EXOC3L2: variants seen among roughly 807,000 people sequenced by gnomAD.
EXOC3L2 encodes the protein exocyst complex component 3 like 2.
A neutral mutation model predicts 44.4 loss-of-function variants in EXOC3L2; 17 were observed. That is an observed-to-expected ratio of 0.38 (90% CI 0.26 to 0.57). The LOEUF is 0.57. EXOC3L2 is among the 20% of genes least tolerant of loss of function. The pLI, the probability that EXOC3L2 is intolerant of heterozygous loss-of-function variation, is 0.65. For synonymous variants in EXOC3L2, 256 were observed against 253.7 expected (o/e 1.01, Z -0.09); for missense variants, 541 against 588.4 (o/e 0.92, Z 0.83).
Position 45,226,791 on chromosome 19 carries a change from C to T in EXOC3L2, c.1583+871G>A, listed in dbSNP as rs535181595. Reference sequence around the variant, plus strand: ...TTTTTGAGACGGAGTCTCGCTCTGACGCCCAGGCTGGAGTGTAGTGGCGCG... The same window carrying T: ...TTTTTGAGACGGAGTCTCGCTCTGATGCCCAGGCTGGAGTGTAGTGGCGCG... On this transcript the variant is annotated intron_variant, in intron 7 of 11. Transcript: ENST00000413988. Among the ~76,000 whole-genome samples, 8 of 128,724 alleles carry T rather than the reference C, an allele frequency of 6.2e-5. No individual in the cohort carries two copies. In the South Asian group the frequency reaches 7.6e-4, roughly 12 times the overall value. The allele number at this position is 128,724 out of a possible 152,430, so 84.4% of individuals were successfully genotyped here.
chr19:45,223,434 CT>C (rs1253097651), intron 8 of EXOC3L2, among the ~76,000 whole-genome samples: 19 of 152,006 alleles, frequency 1.2e-4, no homozygotes, highest in Admixed American at 1.2e-3. Flanking sequence ...CCTCAGCCCC[CT>C]GGGTACAGGC....
At chr19:45,221,904 C>T (rs892832600) in intron 8 of EXOC3L2, among the ~76,000 whole-genome samples, 1 of 151,644 alleles carries the variant, frequency 6.6e-6, no homozygotes, top group Non-Finnish European at 1.5e-5. Flanking sequence ...CCTGCCTCAG[C>T]CTTCAAAAGT....
At position 45,231,877 on chromosome 19, in the gene EXOC3L2, G is replaced by A; in HGVS notation, c.1158-3C>T. On this transcript the variant is annotated splice_polypyrimidine_tract_variant and splice_region_variant and intron_variant, in intron 3 of 11. Transcript: ENST00000413988. The stretch of plus-strand genomic sequence containing the variant: ...TGTCCACCAGCCCTAGGACCTCTCT[G>A]GGGATGGGGGTGAGAGAAAAGGAGG... The A allele has an allele frequency of 6.3e-7, 1 of 1,575,028 alleles. No homozygotes were observed. The highest frequency in any genetic ancestry group is 1.3e-5 in the African/African-American group (1 of 74,258).
At chr19:45,217,495 C>T (rs761874137) in intron 10 of EXOC3L2, 33 bp downstream of exon 10, 2 of 1,545,160 alleles carry the variant, frequency 1.3e-6, no homozygotes, top group South Asian at 2.4e-5. Context: ...GTCCTGGTTT[C>T]TGAAACACCC....
chr19:45,218,147 C>A, intron 9 of EXOC3L2, 50 bp downstream of exon 9: 1 of 1,241,458 alleles, frequency 8.1e-7, no homozygotes, highest in Non-Finnish European at 1.1e-6. Flanking sequence ...CCCTTTCCTC[C>A]TCCCCTCTTT....
In EXOC3L2 at chr19:45,227,736, T is replaced by C. The variant is rs1969980883; in HGVS notation, c.1509A>G (p.Pro503=). 1.2e-6 allele frequency: 2 copies of C among 1,613,002 alleles called. No homozygotes were observed. Among genetic ancestry groups the C allele is most frequent in the African/African-American group, 1.3e-5 (1 of 75,000 alleles). ...TGTCAGGTAGCATCTCCCGGACTGCTGGGTTCTCATGGAATCGCTCCACAC... is the reference window on the plus strand; with the variant it reads ...TGTCAGGTAGCATCTCCCGGACTGCCGGGTTCTCATGGAATCGCTCCACAC... The part of the protein sequence containing the change: ...QQRVERFHEN[P]AVREMLPDTY... Residue 503 remains proline (P), a synonymous_variant, in exon 7 of 12, where the codon CCA becomes CCG. Transcript: ENST00000413988.
At position 45,234,378 on chromosome 19, in the gene EXOC3L2, C is replaced by T; in HGVS notation, c.972G>A (p.Leu324=). The change falls in exon 3 of 12, where the codon CTG becomes CTA. Residue 324 remains leucine (L), a synonymous_variant. Coordinates refer to ENST00000413988, the MANE Select transcript of EXOC3L2 (RefSeq NM_001382422.1). This position sits in a 1 kb window ranked among gnomAD's most constrained non-coding sequence, Gnocchi z 5.0. ...GGCCCCGCACCACGGCCATATCCTC[C>T]AGCAGCCGCGCCCGCAGCGCCTCCA... ...GQLEALRARL[L]EDMAVVRGRL... 2.9e-6 allele frequency: 1 copy of T among 340,236 alleles called. No homozygotes were observed. Among genetic ancestry groups the T allele is most frequent in the Non-Finnish European group, 5.3e-6 (1 of 188,454 alleles). The allele number at this position is 340,236 out of a possible 1,614,324, so 21.1% of individuals were successfully genotyped here.
At chr19:45,239,197 C>A in intron 1 of EXOC3L2, 136 bp from the exon 2 acceptor site, 2 of 372,882 alleles carry the variant, frequency 5.4e-6, no homozygotes, top group Non-Finnish European at 9.5e-6. Context: ...TTGATCTGCA[C>A]AAGCTTATAA....
chr19:45,219,436 G>C (rs1231737051), intron 8 of EXOC3L2, among the ~76,000 whole-genome samples: 1 of 137,216 alleles, frequency 7.3e-6, no homozygotes, highest in Non-Finnish European at 1.6e-5. Context: ...AGAACTTTAA[G>C]ACATATTTTT....
intron 1 of EXOC3L2, among the ~76,000 whole-genome samples, chr19:45,244,695 C>T (rs1199764422): frequency 1.3e-5 from 2 of 152,162 alleles, no homozygotes; most frequent in Admixed American, 6.6e-5. Context: ...GAGTCCCTAA[C>T]CTTCTGCAGC....
At chr19:45,215,927 A>G in intron 11 of EXOC3L2, 146 bp downstream of exon 11, 2 of 1,149,784 alleles carry the variant, frequency 1.7e-6, no homozygotes, top group Non-Finnish European at 2.4e-6. Flanking sequence ...TCTTATTAAT[A>G]ATGCCCTGGT....
In EXOC3L2 at chr19:45,234,524, GC is replaced by G; in HGVS notation, c.825del (p.Arg276ValfsTer26). 4.0e-6 allele frequency: 1 copy of G among 248,910 alleles called. No individual in the cohort carries two copies. The highest frequency in any genetic ancestry group is 7.7e-6 in the Non-Finnish European group (1 of 129,794). 15.4% of individuals were successfully genotyped at this position (248,910 alleles called of 1,614,324 possible). On this transcript the variant is annotated frameshift_variant, in exon 3 of 12. Transcript: ENST00000413988. LOFTEE classifies it high-confidence loss of function. This position sits in a 1 kb window ranked among gnomAD's most constrained non-coding sequence, Gnocchi z 5.0. ...QVLVQEEAAD[G>X]RRGPGAARKL... Reference sequence around the variant, plus strand: ...TTGCGGGCCGCCCCGGGACCCCGACGCCCGTCGGCCGCCTCCTCCTGTACCA... The same window carrying G: ...TTGCGGGCCGCCCCGGGACCCCGACGCCGTCGGCCGCCTCCTCCTGTACCA...
rs191434584 is a variant in EXOC3L2, at chr19:45,222,932, G to C, written c.1719+1846C>G. 3.2e-3 allele frequency among the ~76,000 whole-genome samples: 492 copies of C among 152,290 alleles called. 1 individual carries two copies. The highest frequency in any genetic ancestry group is 5.4e-3 in the Admixed American group (82 of 15,284). ...CTGGCACAGTGAGTCCTGAGAATGT[G>C]TTTGCTGTTGCTATAAAGTCTGTAT... On this transcript the variant is annotated intron_variant, in intron 8 of 11. Coordinates refer to ENST00000413988, the MANE Select transcript of EXOC3L2 (RefSeq NM_001382422.1).
At chr19:45,244,069 G>A (rs529594189) in intron 1 of EXOC3L2, among the ~76,000 whole-genome samples, 9 of 152,024 alleles carry the variant, frequency 5.9e-5, no homozygotes, top group Non-Finnish European at 1.0e-4. Flanking sequence ...GAGTACAAGT[G>A]CAAGTCACCA....
intron 11 of EXOC3L2, among the ~76,000 whole-genome samples, chr19:45,214,974 G>C (rs1002470275): frequency 9.2e-5 from 14 of 151,896 alleles, no homozygotes; most frequent in Admixed American, 7.2e-4. Flanking sequence ...TGGTCAACTT[G>C]GTGAAATCCC....
At chr19:45,219,393 C>CAAAAAAAAAAAAAAAAA (rs950797638) in intron 8 of EXOC3L2, among the ~76,000 whole-genome samples, 92 of 51,504 alleles carry the variant, frequency 1.8e-3, no homozygotes, top group African/African-American at 5.3e-3. Context: ...GGCCCCGTCT[C>CAAAAAAAAAAAAAAAAA]AAAAAAAAAA....
intron 11 of EXOC3L2, among the ~76,000 whole-genome samples, chr19:45,214,564 A>G (rs1041679498): frequency 6.6e-6 from 1 of 152,080 alleles, no homozygotes; most frequent in Non-Finnish European, 1.5e-5. Context: ...TCCTGGGCTC[A>G]AGCAATTCTC....
chr19:45,216,897 C>T (rs1000026004), intron 10 of EXOC3L2: 1 of 151,102 alleles, frequency 6.6e-6, no homozygotes. Flanking sequence ...TGAATGAGGC[C>T]CTTCCAGCCC....
At chr19:45,225,616 TTC>T (rs1459470269) in intron 7 of EXOC3L2, among the ~76,000 whole-genome samples, 2 of 144,532 alleles carry the variant, frequency 1.4e-5, no homozygotes, top group Non-Finnish European at 3.0e-5. Flanking sequence ...ACCCTTACTC[TTC>T]TCTTTTTTTT....
Sources: gnomAD v4.1 joint callset for allele counts (sites outside exome capture counted in the v4.1 genomes callset) on GRCh38, gnomAD v4.1.1 for gene constraint, Gnocchi (gnomAD v3.1) non-coding constraint, MANE v1.5 for transcripts, NCBI Gene and HGNC (gene_info 2026-07-23, HGNC 2026-07-21) for gene names.